The following ANKS1B variants were observed in gnomAD, a reference collection of about 807,000 sequenced individuals.
ANKS1B encodes the protein ankyrin repeat and sterile alpha motif domain-containing protein 1B.
ANKS1B carries 36 observed loss-of-function variants against 148.3 expected under a neutral mutation model. The observed-to-expected ratio is 0.24, with a 90% confidence interval of 0.19 to 0.32. The LOEUF (loss-of-function observed/expected upper bound fraction) is 0.32. Among genes scored for constraint, ANKS1B ranks in the 10% least tolerant of loss-of-function variants. ANKS1B has a pLI of 1.00. For missense variants in ANKS1B, 1,157 were observed against 1,542.6 expected, an observed-to-expected ratio of 0.75 and a Z score of 4.19; for synonymous variants, 542 against 560.8, an observed-to-expected ratio of 0.97 and a Z score of 0.47.
At chr12:99,906,496 C>G (rs2093787239) in intron 1 of ANKS1B, among the ~76,000 whole-genome samples, 1 of 152,164 alleles carries the variant, frequency 6.6e-6, no homozygotes, top group Non-Finnish European at 1.5e-5. Context: ...ATAACTCATT[C>G]TCCGCTGAAC....
chr12:99,331,526 T>G (rs1260300320), intron 12 of ANKS1B, among the ~76,000 whole-genome samples: 1 of 151,990 alleles, frequency 6.6e-6, no homozygotes, highest in East Asian at 1.9e-4. Context: ...CCCTACAGTT[T>G]AAAATCCTGA....
rs75257004 is a variant in ANKS1B, at chr12:99,677,111, A to G, written c.1129-21901T>C. Among the ~76,000 whole-genome samples the G allele has an allele frequency of 7.0e-3, 1,065 of 152,338 alleles. 15 individuals are homozygous for G. Among genetic ancestry groups the G allele is most frequent in the African/African-American group, 0.024 (996 of 41,574 alleles). Reference sequence around the variant, plus strand: ...GGTTCTTTAACAAAAAGTTTTCAAAATATTTCAAAGGGCTTATAAAAGTGA... The same window carrying G: ...GGTTCTTTAACAAAAAGTTTTCAAAGTATTTCAAAGGGCTTATAAAAGTGA... On this transcript the variant is annotated intron_variant, in intron 8 of 26. Coordinates refer to ENST00000683438, the MANE Select transcript of ANKS1B (RefSeq NM_001352186.2).
chr12:99,737,011 G>C (rs932323028), intron 8 of ANKS1B, among the ~76,000 whole-genome samples: 8 of 152,088 alleles, frequency 5.3e-5, no homozygotes, highest in Non-Finnish European at 1.2e-4. Context: ...ACCCCAGTTA[G>C]AATGACTATT....
chr12:99,041,681 T>G (rs1278281781), intron 17 of ANKS1B, among the ~76,000 whole-genome samples: 1 of 152,098 alleles, frequency 6.6e-6, no homozygotes, highest in Non-Finnish European at 1.5e-5. Flanking sequence ...TCCATAATTC[T>G]AAAATCTCTC....
chr12:99,784,164 CT>C (rs1337397698), intron 4 of ANKS1B, among the ~76,000 whole-genome samples: 1 of 143,046 alleles, frequency 7.0e-6, no homozygotes, highest in Admixed American at 7.3e-5. Flanking sequence ...GCATACTGAA[CT>C]TTCTTTTTTT....
At chr12:98,958,241 G>T (rs1482622893) in intron 17 of ANKS1B, among the ~76,000 whole-genome samples, 1 of 152,072 alleles carries the variant, frequency 6.6e-6, no homozygotes, top group Admixed American at 6.5e-5. Flanking sequence ...AGCTCCATTG[G>T]GGAATAACTA....
chr12:98,907,104 A>G (rs1455808527), intron 17 of ANKS1B, among the ~76,000 whole-genome samples: 3 of 152,006 alleles, frequency 2.0e-5, no homozygotes, highest in Non-Finnish European at 4.4e-5. Context: ...AGTATACAAT[A>G]CATTATTATT....
intron 1 of ANKS1B, among the ~76,000 whole-genome samples, chr12:99,960,120 T>C (rs1187376482): frequency 1.3e-5 from 2 of 152,206 alleles, no homozygotes; most frequent in Non-Finnish European, 2.9e-5. Flanking sequence ...ATGCAGAATA[T>C]AGAGAATTAT....
In ANKS1B at chr12:99,500,838, CTCTT is replaced by C. The variant is rs1166338514; in HGVS notation, c.1438+3634_1438+3637del. On this transcript the variant is annotated intron_variant, in intron 10 of 26. Coordinates refer to ENST00000683438, the MANE Select transcript of ANKS1B (RefSeq NM_001352186.2). ...AAATATATTATATTTGTCACATTCT[CTCTT>C]TCTTCTCCTCTGGAACTTTGATTAG... 8.5e-5 allele frequency among the ~76,000 whole-genome samples: 13 copies of C among 152,298 alleles called. No homozygotes were observed. In the South Asian group the frequency reaches 2.3e-3, roughly 27 times the overall value.
intron 8 of ANKS1B, among the ~76,000 whole-genome samples, chr12:99,669,261 C>G (rs569025440): frequency 1.4e-4 from 21 of 152,276 alleles, no homozygotes; most frequent in African/African-American, 5.1e-4. Context: ...GCCTTGACTT[C>G]TTGCACTCAA....
At chr12:99,818,905 G>T (rs1213656715) in intron 2 of ANKS1B, among the ~76,000 whole-genome samples, 1 of 151,730 alleles carries the variant, frequency 6.6e-6, no homozygotes. Flanking sequence ...TTCAGCATAT[G>T]CTCTGAGCAA....
At chr12:98,974,549 T>C (rs1403038350) in intron 17 of ANKS1B, among the ~76,000 whole-genome samples, 1 of 149,910 alleles carries the variant, frequency 6.7e-6, no homozygotes, top group Non-Finnish European at 1.5e-5. Context: ...GGAGAAATAG[T>C]ATAAACAGTA....
intron 18 of ANKS1B, chr12:98,831,377 C>A (rs974990050): frequency 6.6e-6 from 1 of 152,022 alleles, no homozygotes; most frequent in Non-Finnish European, 1.5e-5. Flanking sequence ...AAACAGAAGA[C>A]CCTAAGGTTA....
chr12:99,071,368 T>C (rs2046216253), intron 16 of ANKS1B, among the ~76,000 whole-genome samples: 1 of 152,232 alleles, frequency 6.6e-6, no homozygotes, highest in Admixed American at 6.5e-5. Context: ...TTAGCACTTA[T>C]TTCAATTGTA....
At chr12:99,674,144 T>C (rs2098550970) in intron 8 of ANKS1B, among the ~76,000 whole-genome samples, 1 of 151,868 alleles carries the variant, frequency 6.6e-6, no homozygotes, top group Non-Finnish European at 1.5e-5. Flanking sequence ...TTAATTTAAA[T>C]GGAGAAAAAT....
At chr12:99,963,414 T>C (rs1207471800) in intron 1 of ANKS1B, among the ~76,000 whole-genome samples, 1 of 152,232 alleles carries the variant, frequency 6.6e-6, no homozygotes, top group East Asian at 1.9e-4. Flanking sequence ...ATTCAGATCA[T>C]CTTTCCATTG....
At chr12:99,511,125 C>A (rs2096761546) in intron 9 of ANKS1B, among the ~76,000 whole-genome samples, 3 of 151,956 alleles carry the variant, frequency 2.0e-5, no homozygotes, top group Admixed American at 2.0e-4. Flanking sequence ...ATGCTTCCAG[C>A]TTTTGCCCAT....
At chr12:99,388,888 A>ATC (rs899536892) in intron 12 of ANKS1B, among the ~76,000 whole-genome samples, 1 of 152,218 alleles carries the variant, frequency 6.6e-6, no homozygotes, top group Non-Finnish European at 1.5e-5. Context: ...TTATCAGTTC[A>ATC]TCTCTCTTTT....
intron 5 of ANKS1B, among the ~76,000 whole-genome samples, chr12:99,780,582 G>A (rs2064190358): frequency 6.6e-6 from 1 of 151,996 alleles, no homozygotes; most frequent in Non-Finnish European, 1.5e-5. Flanking sequence ...ACGCCCGGCT[G>A]ACCCTATGGT....
Sources: allele counts gnomAD v4.1 joint callset (sites outside exome capture counted in the v4.1 genomes callset), GRCh38; gene constraint gnomAD v4.1.1; transcripts MANE v1.5; gene names NCBI Gene and HGNC (gene_info 2026-07-23, HGNC 2026-07-21).